Variants in PRKAR2B observed in about 807,000 individuals in gnomAD.
PRKAR2B encodes protein kinase cAMP-dependent type II regulatory subunit beta.
PRKAR2B carries 14 observed loss-of-function variants against 49.9 expected under a neutral mutation model. That is an observed-to-expected ratio of 0.28 (90% CI 0.19 to 0.44). The LOEUF (loss-of-function observed/expected upper bound fraction) is 0.44, where lower values mean the gene tolerates loss of function less well. Among genes scored for constraint, PRKAR2B ranks in the 20% least tolerant of loss-of-function variants. The probability of loss-of-function intolerance (pLI) is 1.00; values close to 1 mark genes in which losing one functional copy is unlikely to be tolerated. For synonymous variants in PRKAR2B, 196 were observed against 197.7 expected (o/e 0.99, Z 0.07); for missense variants, 393 against 537.9 (o/e 0.73, Z 2.67).
intron 1 of PRKAR2B, among the ~76,000 whole-genome samples, chr7:107,064,744 A>G (rs1794099840): frequency 6.6e-6 from 1 of 152,236 alleles, no homozygotes; most frequent in Admixed American, 6.5e-5. Context: ...GGCTTACAAG[A>G]CAGTGATGAG....
intron 5 of PRKAR2B, among the ~76,000 whole-genome samples, chr7:107,142,238 G>A (rs3752645): frequency 0.089 from 13,608 of 152,158 alleles, 665 homozygotes; most frequent in Middle Eastern, 0.17. Context: ...TCTTTCATGC[G>A]TCAGTCGAGC....
At chr7:107,107,248 A>C (rs912356992) in intron 2 of PRKAR2B, among the ~76,000 whole-genome samples, 6 of 152,054 alleles carry the variant, frequency 3.9e-5, no homozygotes, top group African/African-American at 1.4e-4. Context: ...GAGGCAGGAG[A>C]ATCACTTGAA....
At chr7:107,154,479 A>C (rs958288605) in intron 8 of PRKAR2B, among the ~76,000 whole-genome samples, 1 of 152,256 alleles carries the variant, frequency 6.6e-6, no homozygotes, top group Non-Finnish European at 1.5e-5. Context: ...ACTTAATATG[A>C]AGCTTTTATG....
chr7:107,068,359 C>T (rs948590616), intron 1 of PRKAR2B, among the ~76,000 whole-genome samples: 3 of 152,172 alleles, frequency 2.0e-5, no homozygotes, highest in East Asian at 3.9e-4. Flanking sequence ...TATCTGCTTG[C>T]ACTCTCCGTT....
At chr7:107,121,855 G>T in intron 2 of PRKAR2B, 97 bp from the exon 3 acceptor site, 1 of 606,684 alleles carries the variant, frequency 1.6e-6, no homozygotes, top group Non-Finnish European at 2.6e-6. Flanking sequence ...TTTTTATACC[G>T]TGGTACTCTT....
intron 8 of PRKAR2B, among the ~76,000 whole-genome samples, chr7:107,154,615 C>G (rs910342399): frequency 6.6e-6 from 1 of 152,176 alleles, no homozygotes; most frequent in African/African-American, 2.4e-5. Flanking sequence ...TTCTAAAAAT[C>G]TAAATTCAAC....
intron 10 of PRKAR2B, among the ~76,000 whole-genome samples, chr7:107,157,527 CTCT>C (rs1351492874): frequency 6.6e-6 from 1 of 152,178 alleles, no homozygotes; most frequent in Non-Finnish European, 1.5e-5. Context: ...ATACATTTTG[CTCT>C]TCTTGTGTAT....
intron 1 of PRKAR2B, among the ~76,000 whole-genome samples, chr7:107,049,784 A>G (rs1030784744): frequency 2.0e-5 from 3 of 152,100 alleles, no homozygotes; most frequent in African/African-American, 7.2e-5. Flanking sequence ...ATTTGTAGCT[A>G]AGAGCTCCAG....
At chr7:107,081,806 G>T (rs899844657) in intron 2 of PRKAR2B, 1 of 152,238 alleles carries the variant, frequency 6.6e-6, no homozygotes, top group South Asian at 2.1e-4. Context: ...CTTGAAAGAC[G>T]GAACAGCTTA....
chr7:107,100,846 CTCTTTATTGAGAT>C (rs1224818958), intron 2 of PRKAR2B, among the ~76,000 whole-genome samples: 6 of 148,064 alleles, frequency 4.1e-5, no homozygotes, highest in African/African-American at 1.0e-4. Context: ...TAGAATTTCT[CTCTTTATTGAGAT>C]TCTTTATTGA....
chr7:107,114,537 T>C (rs1275261802), intron 2 of PRKAR2B, among the ~76,000 whole-genome samples: 6 of 150,582 alleles, frequency 4.0e-5, no homozygotes, highest in Admixed American at 2.6e-4. Flanking sequence ...AATTTTTTTT[T>C]TTTTTTTTTT....
intron 2 of PRKAR2B, chr7:107,077,769 A>G (rs901425917): frequency 2.6e-5 from 4 of 152,208 alleles, no homozygotes; most frequent in African/African-American, 7.2e-5. Context: ...TTACTCACCT[A>G]TCTACGTATT....
intron 2 of PRKAR2B, among the ~76,000 whole-genome samples, chr7:107,089,499 A>G (rs909361832): frequency 6.6e-6 from 1 of 152,330 alleles, no homozygotes; most frequent in East Asian, 1.9e-4. Flanking sequence ...ATGGTCAGTA[A>G]ATAAAAGTTG....
intron 3 of PRKAR2B, among the ~76,000 whole-genome samples, chr7:107,125,698 G>T (rs1652324790): frequency 6.6e-6 from 1 of 152,182 alleles, no homozygotes; most frequent in South Asian, 2.1e-4. Flanking sequence ...GACTCTGAGT[G>T]CTGAGGAGTA....
chr7:107,137,587 A>G (rs1795720566), intron 4 of PRKAR2B, among the ~76,000 whole-genome samples: 1 of 152,214 alleles, frequency 6.6e-6, no homozygotes, highest in South Asian at 2.1e-4. Flanking sequence ...GAGGTGGAAG[A>G]TCATGCATAT....
At chr7:107,080,732 C>T (rs1794499003) in intron 2 of PRKAR2B, among the ~76,000 whole-genome samples, 1 of 152,188 alleles carries the variant, frequency 6.6e-6, no homozygotes, top group Non-Finnish European at 1.5e-5. Context: ...CTGTAACCGT[C>T]TGATACTTAT....
intron 1 of PRKAR2B, among the ~76,000 whole-genome samples, chr7:107,059,696 A>ATG (rs10692192): frequency 2.6e-3 from 387 of 149,604 alleles, no homozygotes; most frequent in Middle Eastern, 3.5e-3. Context: ...GCTGTAGTGA[A>ATG]TGTGTGTGTG....
intron 3 of PRKAR2B, among the ~76,000 whole-genome samples, chr7:107,124,340 C>G (rs935963585): frequency 6.6e-6 from 1 of 152,128 alleles, no homozygotes; most frequent in Non-Finnish European, 1.5e-5. Flanking sequence ...GTATATCTGG[C>G]CTGGTGCTAG....
chr7:107,065,322 ATG>A (rs71134248), intron 1 of PRKAR2B, among the ~76,000 whole-genome samples: 10,161 of 142,546 alleles, frequency 0.071, 385 homozygotes, highest in Non-Finnish European at 0.1. Flanking sequence ...GGGTGTGTGT[ATG>A]TGTGTGTGTG....
Sources: allele counts gnomAD v4.1 joint callset (sites outside exome capture counted in the v4.1 genomes callset), GRCh38; gene constraint gnomAD v4.1.1; transcripts MANE v1.5; gene names NCBI Gene and HGNC (gene_info 2026-07-23, HGNC 2026-07-21).